SPOCK2: variants seen among roughly 807,000 people sequenced by gnomAD.
SPOCK2 encodes the protein SPARC (osteonectin), cwcv and kazal like domains proteoglycan 2.
A neutral mutation model predicts 60.1 loss-of-function variants in SPOCK2; 39 were observed. The ratio of observed to expected loss-of-function variants is 0.65; its 90% CI spans 0.50 to 0.85. The LOEUF (loss-of-function observed/expected upper bound fraction) is 0.85. Ranked by LOEUF, SPOCK2 falls within the 40% of genes least tolerant of loss-of-function variation. SPOCK2 has a pLI of 0.00. For missense variants in SPOCK2, 523 were observed against 567.4 expected (o/e 0.92, Z 0.80); for synonymous variants, 217 against 231.5 (o/e 0.94, Z 0.57).
Position 72,067,008 on chromosome 10 carries a change from G to T in SPOCK2, c.822C>A (p.Asn274Lys). 1.2e-6 allele frequency: 2 copies of T among 1,614,206 alleles called. No individual in the cohort carries two copies. Among genetic ancestry groups the T allele is most frequent in the South Asian group, 2.2e-5 (2 of 91,086 alleles). The change falls in exon 8 of 11, where the codon AAC (asparagine) becomes AAA (lysine). Residue 274 changes from asparagine (N) to lysine (K), a missense_variant. Transcript: ENST00000373109. ...FLDQTELAAI[N>K]LDKYEVCIRP... ...GGATGCAGACCTCGTACTTGTCCAG[G>T]TTGATGGCGGCCAGCTCCGTCTGGT...
chr10:72,078,184 T>C (rs1331990111), intron 1 of SPOCK2, among the ~76,000 whole-genome samples: 3 of 152,184 alleles, frequency 2.0e-5, no homozygotes, highest in Admixed American at 6.5e-5. Context: ...TATATTACTT[T>C]GTAATAAAGA....
At chr10:72,070,516 G>A in intron 4 of SPOCK2, 90 bp from the exon 5 acceptor site, 1 of 1,253,818 alleles carries the variant, frequency 8.0e-7, no homozygotes, top group South Asian at 1.3e-5. Context: ...TGTTCCAACA[G>A]GAAGGCAGCA....
chr10:72,063,137 C>T lies in SPOCK2; in HGVS notation c.1017G>A (p.Glu339=), dbSNP rs1371535124. The T allele has an allele frequency of 1.3e-6, 2 of 1,556,318 alleles. No homozygotes were observed. The highest frequency in any genetic ancestry group is 1.4e-5 in the African/African-American group (1 of 73,220). ...KPGIFIPSCD[E]DGYYRKMQCD... is the part of the protein sequence containing the mutation. ...ACTGCATCTTCCGGTAGTAGCCATC[C>T]TCGTCGCAGCTCGGGATGAAGATGC... Residue 339 remains glutamate, a synonymous_variant, in exon 10 of 11, where the codon GAG becomes GAA. Coordinates refer to ENST00000373109, the MANE Select transcript of SPOCK2 (RefSeq NM_001244950.2).
Position 72,062,870 on chromosome 10 carries a change from C to T in SPOCK2, c.1165G>A (p.Gly389Ser), listed in dbSNP as rs370081582. The T allele has an allele frequency of 6.2e-6, 10 of 1,601,828 alleles. No individual in the cohort carries two copies. The highest frequency in any genetic ancestry group is 2.7e-5 in the African/African-American group (2 of 74,698). ...IVGFSGDFGS[G>S]VGWEDEEEKE... is the part of the protein sequence containing the mutation. ...TCCTCCTCATCCTCCCAGCCGACAC[C>T]GCTTCCAAAGTCCCCCGAGAAGCCC... Residue 389 changes from glycine to serine, a missense_variant, in exon 11 of 11, where the codon GGT (glycine) becomes AGT (serine). Gly to Ser is a moderately conservative substitution (Grantham distance 56). Transcript: ENST00000373109. The surrounding 1 kb of genome is among the most constrained non-coding windows in gnomAD (Gnocchi z 4.3).
intron 2 of SPOCK2, 168 bp downstream of exon 2, chr10:72,072,734 C>G: frequency 7.4e-7 from 1 of 1,354,806 alleles, no homozygotes; most frequent in Non-Finnish European, 1.0e-6. Flanking sequence ...CCCTATAAAC[C>G]CATGTCCAGA....
intron 1 of SPOCK2, among the ~76,000 whole-genome samples, chr10:72,079,251 A>G (rs1162120359): frequency 2.0e-5 from 3 of 152,132 alleles, no homozygotes; most frequent in African/African-American, 7.2e-5. Context: ...CTGATGAAAA[A>G]AGTCCTAGGC....
intron 8 of SPOCK2, among the ~76,000 whole-genome samples, chr10:72,065,126 C>G (rs1304883772): frequency 1.6e-5 from 2 of 127,200 alleles, no homozygotes; most frequent in African/African-American, 5.1e-5. Flanking sequence ...ACCTCTGCCT[C>G]CCGGGTTCAA....
intron 4 of SPOCK2, among the ~76,000 whole-genome samples, chr10:72,071,004 A>C (rs879452005): frequency 1.3e-5 from 2 of 152,070 alleles, no homozygotes; most frequent in Non-Finnish European, 2.9e-5. Context: ...GTGGCCCGTG[A>C]CCAAGCACTC....
chr10:72,076,916 TCCCAC>T (rs772789995), intron 1 of SPOCK2, among the ~76,000 whole-genome samples: 1 of 151,548 alleles, frequency 6.6e-6, no homozygotes, highest in Non-Finnish European at 1.5e-5. Flanking sequence ...CATCGCCCCC[TCCCAC>T]CCCACAAGTT....
chr10:72,072,056 G>T, intron 4 of SPOCK2, 88 bp downstream of exon 4: 1 of 1,048,404 alleles, frequency 9.5e-7, no homozygotes, highest in Non-Finnish European at 1.3e-6. Context: ...AACAGCAGTA[G>T]ATGGCTAATT....
At chr10:72,088,555 G>C (rs1031001293), upstream of SPOCK2, 33 of 507,198 alleles carry the variant, frequency 6.5e-5, no homozygotes, top group Middle Eastern at 1.0e-3. Flanking sequence ...GAGAATCAGA[G>C]AGGCTGCGCC....
intron 1 of SPOCK2, among the ~76,000 whole-genome samples, chr10:72,075,355 A>T (rs1407891945): frequency 6.6e-6 from 1 of 151,832 alleles, no homozygotes; most frequent in African/African-American, 2.4e-5. Context: ...GCCCTCAACC[A>T]TACCTGCCCT....
At position 72,088,269 on chromosome 10, in the gene SPOCK2, G is replaced by T; in HGVS notation, c.60C>A (p.Ala20=). ...GCCCCTTGGCGTCGCCTTCGGCCAGGGCTGCCGCGGCCAGGAGCAGCAGCG... is the reference window on the plus strand; with the variant it reads ...GCCCCTTGGCGTCGCCTTCGGCCAGTGCTGCCGCGGCCAGGAGCAGCAGCG... ...VLPLLLLAAA[A]LAEGDAKGLK... is the part of the protein sequence containing the mutation. Residue 20 remains alanine, a synonymous_variant, in exon 1 of 11, where the codon GCC becomes GCA. Coordinates refer to ENST00000373109, the MANE Select transcript of SPOCK2 (RefSeq NM_001244950.2). 6.2e-7 allele frequency: 1 copy of T among 1,606,010 alleles called. No individual in the cohort carries two copies. Among genetic ancestry groups the T allele is most frequent in the Non-Finnish European group, 8.5e-7 (1 of 1,177,510 alleles).
rs563744759 is a variant in SPOCK2 at position 72,064,182 on chromosome 10, C to T, written c.987G>A (p.Lys329=). 1.6e-5 allele frequency: 26 copies of T among 1,610,596 alleles called. No individual in the cohort carries two copies. In the South Asian group the frequency reaches 2.6e-4, roughly 16 times the overall value. ...RIQIQEAAKK[K]PGIFIPSCDE... is the part of the protein sequence containing the mutation. ...GAGCCTGGTCTGGCCCCTCACCTGG[C>T]TTCTTCTTGGCGGCCTCCTGGATCT... The change falls in exon 9 of 11, where the codon AAG becomes AAA. Residue 329 remains lysine, a synonymous_variant. Coordinates refer to ENST00000373109, the MANE Select transcript of SPOCK2 (RefSeq NM_001244950.2).
intron 1 of SPOCK2, among the ~76,000 whole-genome samples, chr10:72,081,746 G>T (rs1192217089): frequency 6.6e-6 from 1 of 152,228 alleles, no homozygotes; most frequent in Non-Finnish European, 1.5e-5. Flanking sequence ...AGCTGGGCTT[G>T]TTGCTGTGTT....
intron 1 of SPOCK2, among the ~76,000 whole-genome samples, chr10:72,077,685 A>G (rs946371841): frequency 1.3e-5 from 2 of 152,172 alleles, no homozygotes; most frequent in Non-Finnish European, 2.9e-5. Context: ...CCTCCCTCCG[A>G]GGGTGCCTCA....
intron 5 of SPOCK2, among the ~76,000 whole-genome samples, chr10:72,068,518 A>AT (rs1394412004): frequency 6.6e-6 from 1 of 152,102 alleles, no homozygotes; most frequent in Non-Finnish European, 1.5e-5. Flanking sequence ...GGTCCTAGCC[A>AT]TGCAGGCTCC....
At chr10:72,085,665 C>A (rs1014647087) in intron 1 of SPOCK2, among the ~76,000 whole-genome samples, 1 of 152,136 alleles carries the variant, frequency 6.6e-6, no homozygotes, top group Non-Finnish European at 1.5e-5. Flanking sequence ...AATAGGGGGG[C>A]CCTGTACCAT....
At position 72,088,393 on chromosome 10, in the gene SPOCK2, C is replaced by T; in HGVS notation, c.-65G>A. On this transcript the variant is annotated 5_prime_UTR_variant, in exon 1 of 11. Transcript: ENST00000373109. ...AGTATTTTAATGTCCTTCCTCCCAC[C>T]CCGCTGCTGGCGAAGCGCACGCGGC... 1.4e-6 allele frequency: 2 copies of T among 1,436,064 alleles called. No individual in the cohort carries two copies. The highest frequency in any genetic ancestry group is 1.8e-6 in the Non-Finnish European group (2 of 1,095,226). The allele number at this position is 1,436,064 out of a possible 1,614,324, so 89.0% of individuals were successfully genotyped here.
Sources: allele counts gnomAD v4.1 joint callset (sites outside exome capture counted in the v4.1 genomes callset), GRCh38; gene constraint gnomAD v4.1.1; non-coding constraint Gnocchi (gnomAD v3.1); transcripts MANE v1.5; gene names NCBI Gene and HGNC (gene_info 2026-07-23, HGNC 2026-07-21).